The following DLC1 variants were observed in gnomAD, a reference collection of about 807,000 sequenced individuals.
DLC1 encodes DLC1 Rho GTPase activating protein.
A neutral mutation model predicts 140.3 loss-of-function variants in DLC1; 54 were observed. The observed-to-expected ratio is 0.38, with a 90% CI of 0.31 to 0.48. The LOEUF (loss-of-function observed/expected upper bound fraction) is 0.48, where lower values mean the gene tolerates loss of function less well. DLC1 is among the 20% of genes least tolerant of loss of function. The probability of loss-of-function intolerance (pLI) is 0.96; values close to 1 mark genes in which losing one functional copy is unlikely to be tolerated. For missense variants in DLC1, 2,536 were observed against 1,907.0 expected (o/e 1.33, Z -6.14); for synonymous variants, 986 against 728.1 (o/e 1.35, Z -5.70).
At chr8:13,331,239 C>A (rs1425155337) in intron 4 of DLC1, among the ~76,000 whole-genome samples, 1 of 152,292 alleles carries the variant, frequency 6.6e-6, no homozygotes, top group African/African-American at 2.4e-5. Flanking sequence ...TTGTAAGCAC[C>A]ACATTGGCTA....
At chr8:13,536,840 C>G (rs1413623782) in intron 1 of DLC1, among the ~76,000 whole-genome samples, 1 of 152,122 alleles carries the variant, frequency 6.6e-6, no homozygotes, top group Non-Finnish European at 1.5e-5. Flanking sequence ...TCCTTTGTAA[C>G]TATGAAGTAC....
chr8:13,586,112 C>T (rs1278523212), intron 1 of DLC1, among the ~76,000 whole-genome samples: 1 of 152,124 alleles, frequency 6.6e-6, no homozygotes, highest in East Asian at 1.9e-4. Context: ...CATGGGCTCT[C>T]TCTGCTAATT....
At chr8:13,266,243 A>T (rs539154298) in intron 5 of DLC1, among the ~76,000 whole-genome samples, 9 of 152,344 alleles carry the variant, frequency 5.9e-5, no homozygotes, top group African/African-American at 2.2e-4. Flanking sequence ...TAGTGCCATG[A>T]CATAGATGTG....
At chr8:13,116,822 C>T (rs1820595508) in intron 5 of DLC1, among the ~76,000 whole-genome samples, 3 of 152,138 alleles carry the variant, frequency 2.0e-5, no homozygotes, top group Admixed American at 2.0e-4. Flanking sequence ...GTTCTTAATA[C>T]CCAAACTAAA....
At chr8:13,565,784 A>G (rs1213647885) in intron 1 of DLC1, among the ~76,000 whole-genome samples, 1 of 152,196 alleles carries the variant, frequency 6.6e-6, no homozygotes, top group Non-Finnish European at 1.5e-5. Context: ...AGACTCAAGA[A>G]CTATTATAAC....
intron 2 of DLC1, among the ~76,000 whole-genome samples, chr8:13,410,690 A>C (rs1837744215): frequency 6.6e-6 from 1 of 152,122 alleles, no homozygotes; most frequent in African/African-American, 2.4e-5. Context: ...AATGTAAAAG[A>C]CTGAATAAAT....
At position 13,237,697 on chromosome 8, in the gene DLC1, G is replaced by A. The variant is rs185600656; in HGVS notation, c.1348+67572C>T. Among the ~76,000 whole-genome samples the A allele has an allele frequency of 1.3e-4, 20 of 152,164 alleles. No homozygotes were observed. In the East Asian group the frequency reaches 2.7e-3, roughly 21 times the overall value. On this transcript the variant is annotated intron_variant, in intron 5 of 17. Coordinates refer to ENST00000276297, the MANE Select transcript of DLC1 (RefSeq NM_182643.3). ...CTCATAGCTTAGCTCCCACTTATGA[G>A]AGGATGCACATATGCTATTCCGGGA... is the stretch of plus-strand genomic sequence containing the variant.
At chr8:13,487,543 C>T (rs1801026991) in intron 2 of DLC1, among the ~76,000 whole-genome samples, 1 of 151,990 alleles carries the variant, frequency 6.6e-6, no homozygotes, top group South Asian at 2.1e-4. Flanking sequence ...CTGCATGCTC[C>T]CATTTTCTGT....
intron 1 of DLC1, among the ~76,000 whole-genome samples, chr8:13,508,578 C>T (rs973718668): frequency 1.1e-4 from 16 of 151,970 alleles, no homozygotes; most frequent in African/African-American, 3.4e-4. Context: ...TCACCAAGCC[C>T]GGCTAATTTT....
intron 5 of DLC1, among the ~76,000 whole-genome samples, chr8:13,136,975 A>T (rs188016462): frequency 1.3e-5 from 2 of 152,368 alleles, no homozygotes; most frequent in East Asian, 3.9e-4. Flanking sequence ...AATAATGTAC[A>T]TAAGTGCTTA....
intron 5 of DLC1, among the ~76,000 whole-genome samples, chr8:13,135,956 G>T (rs1304904195): frequency 6.6e-6 from 1 of 152,148 alleles, no homozygotes; most frequent in African/African-American, 2.4e-5. Flanking sequence ...TTTTGGTGAT[G>T]CATTGGTTTG....
intron 1 of DLC1, among the ~76,000 whole-genome samples, chr8:13,565,712 A>C (rs1163062560): frequency 6.6e-6 from 1 of 152,172 alleles, no homozygotes; most frequent in Non-Finnish European, 1.5e-5. Context: ...AGAGAGAGAG[A>C]CAAAACTGAG....
chr8:13,425,999 G>T (rs781126379), intron 2 of DLC1, among the ~76,000 whole-genome samples: 7 of 152,094 alleles, frequency 4.6e-5, no homozygotes, highest in Non-Finnish European at 8.8e-5. Context: ...TTTTTGTAGG[G>T]ACAGGGTCTG....
chr8:13,393,566 T>C lies in DLC1; in HGVS notation c.1301A>G (p.Lys434Arg), dbSNP rs1836864354. The C allele has an allele frequency of 5.0e-6, 8 of 1,613,892 alleles. No homozygotes were observed. The highest frequency in any genetic ancestry group is 6.8e-6 in the Non-Finnish European group (8 of 1,179,984). Residue 434 changes from lysine (K) to arginine (R), a missense_variant, in exon 4 of 18, where the codon AAA (lysine) becomes AGA (arginine). Coordinates refer to ENST00000276297, the MANE Select transcript of DLC1 (RefSeq NM_182643.3). ...TTTAGAACTCACCGTAGTCTTGGGT[T>C]TGGTTCCAGAATTGGCTACTGGAGT... ...SSTPVANSGTKPKTTAIQGIS... is the reference protein window; with the variant it reads ...SSTPVANSGTRPKTTAIQGIS...
chr8:13,468,882 G>A (rs1033974510), intron 2 of DLC1, among the ~76,000 whole-genome samples: 9 of 134,488 alleles, frequency 6.7e-5, no homozygotes, highest in African/African-American at 2.5e-4. Flanking sequence ...GTGCAGTGGT[G>A]CAATCTTGGT....
At chr8:13,602,872 A>G (rs929443304) in intron 1 of DLC1, among the ~76,000 whole-genome samples, 1 of 151,944 alleles carries the variant, frequency 6.6e-6, no homozygotes, top group African/African-American at 2.4e-5. Context: ...AGATGAAAGT[A>G]TCTTCAGATA....
chr8:13,133,264 C>G, intron 5 of DLC1: 1 of 1,342,392 alleles, frequency 7.4e-7, no homozygotes, highest in South Asian at 1.7e-5. Flanking sequence ...AGCGAAGCGC[C>G]CTCGCTCGGG....
chr8:13,410,490 C>A (rs1837736747), intron 2 of DLC1, among the ~76,000 whole-genome samples: 1 of 151,854 alleles, frequency 6.6e-6, no homozygotes, highest in Non-Finnish European at 1.5e-5. Context: ...TTCAACAAAT[C>A]AAAGAATTTG....
At chr8:13,382,303 C>T (rs914854104) in intron 4 of DLC1, among the ~76,000 whole-genome samples, 7 of 151,088 alleles carry the variant, frequency 4.6e-5, no homozygotes, top group Admixed American at 6.6e-5. Context: ...GTCAGGAGAT[C>T]GAGACCATCC....
Sources: allele counts gnomAD v4.1 joint callset (sites outside exome capture counted in the v4.1 genomes callset), GRCh38; gene constraint gnomAD v4.1.1; transcripts MANE v1.5; gene names NCBI Gene and HGNC (gene_info 2026-07-23, HGNC 2026-07-21).